Variants in ATG7 observed in about 807,000 individuals in gnomAD.
ATG7 encodes ubiquitin-like modifier-activating enzyme ATG7.
ATG7 carries 70 observed loss-of-function variants against 82.4 expected under a neutral mutation model. That is an observed-to-expected ratio of 0.85 (90% CI 0.70 to 1.04). The LOEUF (loss-of-function observed/expected upper bound fraction) is 1.04, where lower values mean the gene tolerates loss of function less well. Among genes scored for constraint, ATG7 ranks in the 50% least tolerant of loss-of-function variants. The pLI, the probability that ATG7 is intolerant of heterozygous loss-of-function variation, is 0.00. For synonymous variants in ATG7, 287 were observed against 313.0 expected (o/e 0.92, Z 0.88); for missense variants, 792 against 864.3 (o/e 0.92, Z 1.05).
chr3:11,499,340 T>G (rs538822485), intron 20 of ATG7, among the ~76,000 whole-genome samples: 2 of 152,300 alleles, frequency 1.3e-5, no homozygotes, highest in South Asian at 4.1e-4. Context: ...TCCAAAGATA[T>G]GAGATCATCA....
At chr3:11,565,337 G>A in the ATG7 span, among the ~76,000 whole-genome samples, 2 of 152,168 alleles carry the variant, frequency 1.3e-5, no homozygotes, top group African/African-American at 4.8e-5. This position sits in a 1 kb window ranked among gnomAD's most constrained non-coding sequence, Gnocchi z 4.1. Flanking sequence ...TGGGGAGCTG[G>A]AGGCCAAGCT....
intron 20 of ATG7, among the ~76,000 whole-genome samples, chr3:11,457,562 AAG>A (rs2085861362): frequency 6.6e-6 from 1 of 152,212 alleles, no homozygotes; most frequent in Non-Finnish European, 1.5e-5. Flanking sequence ...AAATGTGTGA[AAG>A]AATTTGCATT....
intron 19 of ATG7, among the ~76,000 whole-genome samples, chr3:11,382,487 G>A (rs983480250): frequency 1.3e-5 from 2 of 152,166 alleles, no homozygotes; most frequent in Non-Finnish European, 2.9e-5. Context: ...GAAGGATGGT[G>A]GGGAGAGGTG....
intron 19 of ATG7, among the ~76,000 whole-genome samples, chr3:11,393,897 T>A (rs1202816722): frequency 2.0e-5 from 3 of 152,090 alleles, no homozygotes; most frequent in Admixed American, 2.0e-4. Flanking sequence ...CCTAGGCTGG[T>A]CTCAGACTCC....
In ATG7 at chr3:11,547,560, G is replaced by A. The variant is rs116550448; in HGVS notation, c.2080-7251G>A. The stretch of plus-strand genomic sequence containing the variant: ...TAGGACTGGAATTGTTGTACCATAT[G>A]GTAACTGTGTTTAATTTTTGGGGTA... On this transcript the variant is annotated intron_variant, in intron 20 of 20. Transcript: ENST00000693202. 6.6e-4 allele frequency among the ~76,000 whole-genome samples: 100 copies of A among 152,294 alleles called. 1 individual carries two copies. The highest frequency in any genetic ancestry group is 2.3e-3 in the African/African-American group (97 of 41,558).
intron 11 of ATG7, among the ~76,000 whole-genome samples, chr3:11,333,312 C>T (rs1327102871): frequency 6.6e-6 from 1 of 152,312 alleles, no homozygotes; most frequent in Admixed American, 6.5e-5. Flanking sequence ...TTTCTCTAGG[C>T]AGTTTTTTCA....
rs961798744 is a variant in ATG7, at chr3:11,426,998, A to G, written c.2079+72A>G. On this transcript the variant is annotated intron_variant, in intron 20 of 20. Transcript: ENST00000693202. ...ACTATTTGATATTCGCCATATGGAAAAGGAAGAAAGCAATTAATTTTAATT... is the reference window on the plus strand; with the variant it reads ...ACTATTTGATATTCGCCATATGGAAGAGGAAGAAAGCAATTAATTTTAATT... The G allele has an allele frequency of 6.2e-6, 9 of 1,460,450 alleles. No individual in the cohort carries two copies. The Admixed American group carries it at 7.6e-5, about 12-fold the overall frequency. 90.5% of individuals were successfully genotyped at this position (1,460,450 alleles called of 1,614,324 possible).
In ATG7 at chr3:11,331,222, G is replaced by A. The variant is rs1219785112; in HGVS notation, c.679-118G>A. 7.2e-6 allele frequency: 6 copies of A among 830,974 alleles called. No homozygotes were observed. In the East Asian group the frequency reaches 9.7e-5, roughly 13 times the overall value. 51.5% of individuals were successfully genotyped at this position (830,974 alleles called of 1,614,324 possible). A position where few individuals can be genotyped will look rare whatever the true frequency, so the allele number is the denominator to read the frequency against. ...TCCTCCCCTTAGCCCTTTACCAGAT[G>A]TTTAATTTTTAAGGCTTTGCAGAAA... On this transcript the variant is annotated intron_variant, in intron 9 of 20. Transcript: ENST00000693202.
Position 11,313,329 on chromosome 3 carries a change from A to G in ATG7, c.437A>G (p.Tyr146Cys), listed in dbSNP as rs549229057. The G allele has an allele frequency of 3.7e-6, 6 of 1,610,576 alleles. No individual in the cohort carries two copies. The highest frequency in any genetic ancestry group is 1.7e-5 in the Admixed American group (1 of 59,636). Residue 146 changes from tyrosine to cysteine, a missense_variant, in exon 8 of 21, where the codon TAT (tyrosine) becomes TGT (cysteine). Coordinates refer to ENST00000693202, the MANE Select transcript of ATG7 (RefSeq NM_001349232.2). ...FADLKKYHFY[Y>C]WFCYPALCLP... ...GATCTAAAGAAGTACCACTTCTACT[A>G]TTGGTTTTGCTATCCTGCCCTCTGT...
intron 19 of ATG7, among the ~76,000 whole-genome samples, chr3:11,396,987 A>C (rs971958291): frequency 6.6e-6 from 1 of 152,130 alleles, no homozygotes; most frequent in South Asian, 2.1e-4. Context: ...ACTTCTGATT[A>C]AAAATGAAAA....
intron 20 of ATG7, among the ~76,000 whole-genome samples, chr3:11,518,280 C>T (rs188074823): frequency 1.3e-5 from 2 of 152,272 alleles, no homozygotes; most frequent in South Asian, 4.1e-4. Context: ...GGCACAGTGG[C>T]TCACGCCTGT....
intron 20 of ATG7, among the ~76,000 whole-genome samples, chr3:11,466,939 G>C (rs113065265): frequency 1.3e-5 from 2 of 152,252 alleles, no homozygotes; most frequent in Non-Finnish European, 1.5e-5. Flanking sequence ...AGATCAGCCT[G>C]ACTAACATGG....
intron 20 of ATG7, among the ~76,000 whole-genome samples, chr3:11,530,242 A>AG (rs1443230787): frequency 2.6e-5 from 4 of 152,164 alleles, no homozygotes; most frequent in African/African-American, 9.7e-5. Context: ...CGGCTCCCAG[A>AG]GAGAGCGAGG....
At chr3:11,420,079 C>G (rs2081793754) in intron 19 of ATG7, among the ~76,000 whole-genome samples, 1 of 152,114 alleles carries the variant, frequency 6.6e-6, no homozygotes, top group Non-Finnish European at 1.5e-5. Context: ...GTGATAACAT[C>G]TTTTCATTTT....
At chr3:11,486,264 G>A (rs1216941053) in intron 20 of ATG7, among the ~76,000 whole-genome samples, 2 of 152,156 alleles carry the variant, frequency 1.3e-5, no homozygotes, top group Non-Finnish European at 2.9e-5. Context: ...CACTTCCCTT[G>A]TAAGTTGGAT....
rs776117506 is a variant in ATG7, at chr3:11,426,897, T to C, written c.2050T>C (p.Leu684=). 8.7e-6 allele frequency: 14 copies of C among 1,607,400 alleles called. No individual in the cohort carries two copies. The South Asian group carries it at 1.6e-4, about 18-fold the overall frequency. ...SFLEDLTGLT[L]LHQETQAAEI... is the part of the protein sequence containing the mutation. The stretch of plus-strand genomic sequence containing the variant: ...CTTAGAAGACTTGACTGGTCTTACA[T>C]TGCTGCATCAAGAAACCCAAGCTGC... The change falls in exon 20 of 21, where the codon TTG becomes CTG. Residue 684 remains leucine (L), a synonymous_variant. Transcript: ENST00000693202.
chr3:11,301,225 C>T (rs1373008765), intron 5 of ATG7, among the ~76,000 whole-genome samples: 1 of 152,028 alleles, frequency 6.6e-6, no homozygotes, highest in Admixed American at 6.6e-5. Context: ...CATTGTGGTC[C>T]TTAAGAATTC....
chr3:11,349,356 T>C (rs79173265), intron 14 of ATG7, among the ~76,000 whole-genome samples: 2,769 of 152,154 alleles, frequency 0.018, 39 homozygotes, highest in Non-Finnish European at 0.031. Context: ...CTGGGAGACA[T>C]AGTGAGACCC....
At chr3:11,341,156 G>A (rs1379447636) in intron 12 of ATG7, among the ~76,000 whole-genome samples, 1 of 151,878 alleles carries the variant, frequency 6.6e-6, no homozygotes, top group Non-Finnish European at 1.5e-5. Context: ...CTGCCTCCTG[G>A]GTTCAAGTGA....
Sources: gnomAD v4.1 joint callset for allele counts (sites outside exome capture counted in the v4.1 genomes callset) on GRCh38, gnomAD v4.1.1 for gene constraint, Gnocchi (gnomAD v3.1) non-coding constraint, MANE v1.5 for transcripts, NCBI Gene and HGNC (gene_info 2026-07-23, HGNC 2026-07-21) for gene names.